The following SRGAP2 variants were observed in gnomAD, a reference collection of about 807,000 sequenced individuals.
SRGAP2 encodes the protein SLIT-ROBO Rho GTPase-activating protein 2.
Under a neutral mutation model 57.2 loss-of-function variants are expected in SRGAP2, and 15 were observed. The observed-to-expected ratio is 0.26, with a 90% CI of 0.18 to 0.40. The LOEUF (loss-of-function observed/expected upper bound fraction) is 0.40. SRGAP2 is among the 10% of genes least tolerant of loss of function. The pLI is 1.00. For synonymous variants in SRGAP2, 249 were observed against 248.0 expected (o/e 1.00, Z -0.04); for missense variants, 520 against 669.6 (o/e 0.78, Z 2.47).
chr1:206,387,064 A>G lies in SRGAP2; in HGVS notation c.486+2988A>G, dbSNP rs3119002. Among the ~76,000 whole-genome samples the G allele has an allele frequency of 3.5e-5, 5 of 142,166 alleles. No homozygotes were observed. The East Asian group carries it at 6.7e-4, about 19-fold the overall frequency. The allele number at this position is 142,166 out of a possible 152,430, so 93.3% of individuals were successfully genotyped here. A position where few individuals can be genotyped will look rare whatever the true frequency, so the allele number is the denominator to read the frequency against. On this transcript the variant is annotated intron_variant, in intron 5 of 22. Transcript: ENST00000573034. ...TGGCATGAACCCAGGAGGCAGAGCT[A>G]GCAGTGAGCCAAGATCGTGCCACTG...
chr1:206,324,732 C>A (rs1365861973), intron 3 of SRGAP2, among the ~76,000 whole-genome samples: 1 of 152,158 alleles, frequency 6.6e-6, no homozygotes, highest in Non-Finnish European at 1.5e-5. Context: ...TCCCAGTGTT[C>A]TGTAGGACAT....
chr1:206,451,397 C>T (rs1331758100), intron 19 of SRGAP2, among the ~76,000 whole-genome samples: 1 of 152,114 alleles, frequency 6.6e-6, no homozygotes, highest in Non-Finnish European at 1.5e-5. Flanking sequence ...CAGCACATTT[C>T]CCCCGCTTCC....
chr1:206,456,456 A>C (rs1030998745), intron 21 of SRGAP2, among the ~76,000 whole-genome samples: 2 of 152,222 alleles, frequency 1.3e-5, no homozygotes, highest in Non-Finnish European at 2.9e-5. Flanking sequence ...CCCTACAATC[A>C]AAAGGTCGTG....
At chr1:206,236,040 G>A in intron 2 of SRGAP2, among the ~76,000 whole-genome samples, 1 of 67,848 alleles carries the variant, frequency 1.5e-5, no homozygotes, top group Middle Eastern at 4.3e-3. Flanking sequence ...AAGAAAAAAA[G>A]AGGGTTATTT....
intron 2 of SRGAP2, among the ~76,000 whole-genome samples, chr1:206,253,611 C>T (rs564596416): frequency 2.1e-5 from 3 of 139,632 alleles, no homozygotes; most frequent in African/African-American, 8.0e-5. Context: ...AGTCTCACTC[C>T]GTCCCCCAGG....
intron 10 of SRGAP2, among the ~76,000 whole-genome samples, chr1:206,410,931 G>A (rs1659163421): frequency 6.6e-6 from 1 of 152,222 alleles, no homozygotes; most frequent in African/African-American, 2.4e-5. Context: ...TGCAATCTGG[G>A]CTCACTGCAA....
rs1379951435 is a variant in SRGAP2 at position 206,439,992 on chromosome 1, G to C, written c.1785G>C (p.Gln595His). 2 of 780,730 alleles carry C rather than the reference G, an allele frequency of 2.6e-6. No individual in the cohort carries two copies. The highest frequency in any genetic ancestry group is 1.7e-5 in the African/African-American group (1 of 59,130). The allele number at this position is 780,730 out of a possible 1,614,324, so 48.4% of individuals were successfully genotyped here. ...LMACVTMDNL[Q>H]ERALHIRKVL... Reference sequence around the variant, plus strand: ...TCTTTTCAGCAATGGACAACCTGCAGGAGAGAGCTCTGCACATCCGGAAAG... The same window carrying C: ...TCTTTTCAGCAATGGACAACCTGCACGAGAGAGCTCTGCACATCCGGAAAG... Residue 595 changes from glutamine to histidine, a missense_variant, in exon 17 of 23, where the codon CAG becomes CAC. Transcript: ENST00000573034.
At chr1:206,355,830 C>G (rs1571941112) in intron 4 of SRGAP2, among the ~76,000 whole-genome samples, 1 of 151,998 alleles carries the variant, frequency 6.6e-6, no homozygotes. Context: ...AGCCAGGCAT[C>G]GTGGTGTATT....
intron 10 of SRGAP2, among the ~76,000 whole-genome samples, chr1:206,411,304 G>A (rs1659204145): frequency 6.6e-6 from 1 of 152,208 alleles, no homozygotes; most frequent in Admixed American, 6.5e-5. Context: ...GGTAATAGGA[G>A]AGGAGGCAAT....
chr1:206,334,586 A>G (rs528591209), intron 3 of SRGAP2, among the ~76,000 whole-genome samples: 1 of 152,266 alleles, frequency 6.6e-6, no homozygotes, highest in Non-Finnish European at 1.5e-5. Context: ...TTGGCATACT[A>G]AAGTACAATT....
chr1:206,243,533 G>A (rs559694586), intron 2 of SRGAP2, among the ~76,000 whole-genome samples: 1 of 152,274 alleles, frequency 6.6e-6, no homozygotes, highest in African/African-American at 2.4e-5. Context: ...AAGAGGCTTC[G>A]AGTCATAGGG....
chr1:206,434,061 T>G (rs1661513743), intron 14 of SRGAP2, among the ~76,000 whole-genome samples: 1 of 152,212 alleles, frequency 6.6e-6, no homozygotes, highest in African/African-American at 2.4e-5. Flanking sequence ...TTTTTGTGTA[T>G]AGGCATCTAA....
chr1:206,275,828 G>T (rs1387146670), intron 2 of SRGAP2, among the ~76,000 whole-genome samples: 1 of 152,022 alleles, frequency 6.6e-6, no homozygotes, highest in Non-Finnish European at 1.5e-5. Context: ...CATTTGCCAG[G>T]ATGGTCTCGA....
At position 206,430,698 on chromosome 1, in the gene SRGAP2, G is replaced by A. The variant is rs563636686; in HGVS notation, c.1555+476G>A. On this transcript the variant is annotated intron_variant, in intron 14 of 22. Transcript: ENST00000573034. ...GTTTGGTCTCACTGGATACAGCATG[G>A]CCAAGGGCTGAGTTAGTAGCTGGTC... 3.9e-5 allele frequency among the ~76,000 whole-genome samples: 6 copies of A among 152,328 alleles called. 1 individual carries two copies. The highest frequency in any genetic ancestry group is 1.4e-4 in the African/African-American group (6 of 41,570).
At chr1:206,438,700 C>T (rs1662000478) in intron 16 of SRGAP2, among the ~76,000 whole-genome samples, 1 of 152,214 alleles carries the variant, frequency 6.6e-6, no homozygotes. Context: ...AACACCCTCT[C>T]ATTTGTTTGC....
At chr1:206,299,904 TTCTTCC>T (rs1671789448) in intron 2 of SRGAP2, among the ~76,000 whole-genome samples, 1 of 149,640 alleles carries the variant, frequency 6.7e-6, no homozygotes, top group Non-Finnish European at 1.5e-5. Flanking sequence ...CTCCTTCTTC[TTCTTCC>T]TCTTCCTCTT....
At chr1:206,277,747 A>G (rs1670495545) in intron 2 of SRGAP2, among the ~76,000 whole-genome samples, 1 of 152,262 alleles carries the variant, frequency 6.6e-6, no homozygotes, top group Admixed American at 6.5e-5. Context: ...AGGTGGACAG[A>G]TCACTTGAGG....
chr1:206,342,035 T>C (rs1357561361), intron 3 of SRGAP2, among the ~76,000 whole-genome samples: 2 of 152,300 alleles, frequency 1.3e-5, no homozygotes, highest in African/African-American at 2.4e-5. Flanking sequence ...TTTAGCACTT[T>C]ACTGCTCCAC....
intron 22 of SRGAP2, among the ~76,000 whole-genome samples, chr1:206,460,108 G>A (rs973824413): frequency 1.3e-5 from 2 of 152,304 alleles, no homozygotes; most frequent in African/African-American, 4.8e-5. Flanking sequence ...AGCATGCATC[G>A]GTCTGTACGA....
Sources: gnomAD v4.1 joint callset for allele counts (sites outside exome capture counted in the v4.1 genomes callset) on GRCh38, gnomAD v4.1.1 for gene constraint, MANE v1.5 for transcripts, NCBI Gene and HGNC (gene_info 2026-07-23, HGNC 2026-07-21) for gene names.